ACOX1: variants seen among roughly 807,000 people sequenced by gnomAD.
The protein encoded by ACOX1 is peroxisomal acyl-coenzyme A oxidase 1.
A neutral mutation model predicts 75.5 loss-of-function variants in ACOX1; 41 were observed. The ratio of observed to expected loss-of-function variants is 0.54; its 90% CI spans 0.42 to 0.70. The LOEUF is 0.70. ACOX1 is among the 30% of genes least tolerant of loss of function. ACOX1 has a pLI of 0.00. For missense variants in ACOX1, 630 were observed against 837.5 expected (o/e 0.75, Z 3.06); for synonymous variants, 303 against 298.8 (o/e 1.01, Z -0.15).
chr17:75,978,876 G>T lies in ACOX1; in HGVS notation c.109+89C>A. The T allele has an allele frequency of 1.9e-6, 3 of 1,600,582 alleles. No homozygotes were observed. Among genetic ancestry groups the T allele is most frequent in the Non-Finnish European group, 2.5e-6 (3 of 1,177,854 alleles). ...GGCTCCCCTAACGCTGGGCCAGAGGGCCTAGGCCCCACAGCGCCCCTGACT... is the reference window on the plus strand; with the variant it reads ...GGCTCCCCTAACGCTGGGCCAGAGGTCCTAGGCCCCACAGCGCCCCTGACT... On this transcript the variant is annotated intron_variant, in intron 1 of 13. Transcript: ENST00000293217. The surrounding 1 kb of genome is among the most constrained non-coding windows in gnomAD (Gnocchi z 4.2).
At chr17:75,968,679 T>C (rs56209919) in intron 2 of ACOX1, among the ~76,000 whole-genome samples, 4,500 of 150,104 alleles carry the variant, frequency 0.03, 74 homozygotes, top group Middle Eastern at 0.053. Context: ...TCCCAGCACT[T>C]TGGGAGGCTG....
chr17:75,952,691 A>T (rs1036593088), intron 7 of ACOX1, among the ~76,000 whole-genome samples: 1 of 151,768 alleles, frequency 6.6e-6, no homozygotes, highest in African/African-American at 2.4e-5. Flanking sequence ...TTAGCTGGGC[A>T]TGGTGGCGTG....
chr17:75,978,474 T>C lies in ACOX1; in HGVS notation c.269+60A>G. The stretch of plus-strand genomic sequence containing the variant: ...CAAGCACGGTGATGAAAGGCCACCA[T>C]AGACCGCAGCTGTAAAGTTTAGGCT... On this transcript the variant is annotated intron_variant, in intron 2 of 13. Coordinates refer to ENST00000293217, the MANE Select transcript of ACOX1 (RefSeq NM_004035.7). This position sits in a 1 kb window ranked among gnomAD's most constrained non-coding sequence, Gnocchi z 4.2. 3 of 1,603,010 alleles carry C rather than the reference T, an allele frequency of 1.9e-6. No homozygotes were observed. The highest frequency in any genetic ancestry group is 1.7e-4 in the Middle Eastern group (1 of 6,034).
chr17:75,978,652 A>T lies in ACOX1; in HGVS notation c.151T>A (p.Leu51Met), dbSNP rs1371790286. 1 of 1,614,086 alleles carries T rather than the reference A, an allele frequency of 6.2e-7. No individual in the cohort carries two copies. The highest frequency in any genetic ancestry group is 8.5e-7 in the Non-Finnish European group (1 of 1,180,052). Residue 51 changes from leucine (L) to methionine (M), a missense_variant, in exon 2 of 14, where the codon TTG becomes ATG. Leu to Met is a conservative substitution (Grantham distance 15, BLOSUM62 2). This residue lies in a region of ACOX1 where 390 missense variants were observed against 574.9 expected (regional missense o/e 0.68). Transcript: ENST00000293217. This position sits in a 1 kb window ranked among gnomAD's most constrained non-coding sequence, Gnocchi z 4.2. ...LNDPDFQHED[L>M]NFLTRSQRYE... ...CGCTGGCTGCGAGTGAGGAAGTTCA[A>T]GTCCTCATGCTGGAAGTCTGGGTCG...
Position 75,960,823 on chromosome 17 carries a change from C to T in ACOX1, c.270-448G>A, listed in dbSNP as rs1472906010. 6.6e-6 allele frequency among the ~76,000 whole-genome samples: 1 copy of T among 151,714 alleles called. No individual in the cohort carries two copies. The highest frequency in any genetic ancestry group is 2.4e-5 in the African/African-American group (1 of 41,264). ...CAAAGCCCTGACTCTACTAAAAATA[C>T]AAAAATCAGCTGAACGTGGTGGCGC... On this transcript the variant is annotated intron_variant, in intron 2 of 13. Transcript: ENST00000293217. This position sits in a 1 kb window ranked among gnomAD's most constrained non-coding sequence, Gnocchi z 4.4.
chr17:75,968,306 G>A (rs1265294895), intron 2 of ACOX1, among the ~76,000 whole-genome samples: 1 of 146,958 alleles, frequency 6.8e-6, no homozygotes, highest in Non-Finnish European at 1.5e-5. Context: ...CGTAGTGGCG[G>A]GCGCCTGTAG....
intron 3 of ACOX1, among the ~76,000 whole-genome samples, chr17:75,959,534 C>T (rs79304471): frequency 6.6e-6 from 1 of 152,082 alleles, no homozygotes; most frequent in African/African-American, 2.4e-5. Context: ...CAAACACGGA[C>T]CCAATTCAGA....
At chr17:75,973,776 C>G (rs781763502) in intron 2 of ACOX1, 2 of 1,614,070 alleles carry the variant, frequency 1.2e-6, no homozygotes, top group South Asian at 2.2e-5. Flanking sequence ...CAAAATTGAC[C>G]AAATGTAGTC....
chr17:75,976,991 C>CTTTTTT (rs1019883355), intron 2 of ACOX1, among the ~76,000 whole-genome samples: 22 of 78,876 alleles, frequency 2.8e-4, no homozygotes, highest in Admixed American at 3.3e-4. Context: ...GCAAAAAAGT[C>CTTTTTT]TTTTTTTTTT....
intron 4 of ACOX1, among the ~76,000 whole-genome samples, chr17:75,956,943 C>A (rs2065831819): frequency 6.0e-5 from 2 of 33,430 alleles, no homozygotes; most frequent in African/African-American, 1.8e-4. Flanking sequence ...CTCTCTCTCT[C>A]TCTCTCTCTC....
chr17:75,963,860 TC>T (rs2065907323), intron 2 of ACOX1, among the ~76,000 whole-genome samples: 1 of 150,552 alleles, frequency 6.6e-6, no homozygotes, highest in Non-Finnish European at 1.5e-5. Context: ...TTTTGTAACT[TC>T]CTATGACTCT....
chr17:75,946,875 T>G, intron 13 of ACOX1, 80 bp from the exon 14 acceptor site: 1 of 1,409,358 alleles, frequency 7.1e-7, no homozygotes, highest in Non-Finnish European at 9.9e-7. Flanking sequence ...TTTTTGTTTT[T>G]GTTTTTTTTT....
In ACOX1 at chr17:75,946,465, A is replaced by C. The variant is rs1243926988; in HGVS notation, c.*283T>G. The C allele has an allele frequency of 4.8e-6, 2 of 419,080 alleles. No individual in the cohort carries two copies. The highest frequency in any genetic ancestry group is 9.0e-6 in the Non-Finnish European group (2 of 223,314). 26.0% of individuals were successfully genotyped at this position (419,080 alleles called of 1,614,324 possible). ...TAGTTAAATTCTGCTAATTATCAAA[A>C]GTCATAGTCTACTGGGATCAGCAGC... is the stretch of plus-strand genomic sequence containing the variant. On this transcript the variant is annotated 3_prime_UTR_variant, in exon 14 of 14. Transcript: ENST00000293217.
chr17:75,978,944 G>T lies in ACOX1; in HGVS notation c.109+21C>A. 6.2e-7 allele frequency: 1 copy of T among 1,608,216 alleles called. No individual in the cohort carries two copies. Among genetic ancestry groups the T allele is most frequent in the Non-Finnish European group, 8.5e-7 (1 of 1,179,844 alleles). ...CCAGCTTTTCTCGGGAAAGGAGGGA[G>T]GTCTCGCCCGCCGCCCTCACCGATC... On this transcript the variant is annotated intron_variant, in intron 1 of 13. Coordinates refer to ENST00000293217, the MANE Select transcript of ACOX1 (RefSeq NM_004035.7). The surrounding 1 kb of genome is among the most constrained non-coding windows in gnomAD (Gnocchi z 4.2).
chr17:75,969,177 A>G (rs962212988), intron 2 of ACOX1, among the ~76,000 whole-genome samples: 52 of 152,108 alleles, frequency 3.4e-4, no homozygotes, highest in African/African-American at 1.2e-3. Flanking sequence ...TTATTTATTT[A>G]TTTTTTGAGA....
chr17:75,960,241 G>A lies in ACOX1; in HGVS notation c.404C>T (p.Thr135Ile). 1 of 1,614,166 alleles carries A rather than the reference G, an allele frequency of 6.2e-7. No homozygotes were observed. Among genetic ancestry groups the A allele is most frequent in the Non-Finnish European group, 8.5e-7 (1 of 1,180,006 alleles). Reference sequence around the variant, plus strand: ...ATGACCCATCTCTGTCTGGGCATAAGTGCCAATGATCTCCAAGTTCCAGGC... The same window carrying A: ...ATGACCCATCTCTGTCTGGGCATAAATGCCAATGATCTCCAAGTTCCAGGC... ...MPAWNLEIIG[T>I]YAQTEMGHGT... is the part of the protein sequence containing the mutation. The change falls in exon 3 of 14, where the codon ACT becomes ATT. Residue 135 changes from threonine to isoleucine, a missense_variant. Around this residue, in one of 2 missense-constraint regions of ACOX1, gnomAD observed 390 missense variants for 574.9 expected, o/e 0.68. Transcript: ENST00000293217. The surrounding 1 kb of genome is among the most constrained non-coding windows in gnomAD (Gnocchi z 4.4).
intron 2 of ACOX1, among the ~76,000 whole-genome samples, chr17:75,962,346 T>C (rs528028995): frequency 1.3e-5 from 2 of 152,352 alleles, no homozygotes; most frequent in South Asian, 2.1e-4. Context: ...GTCATTCTTT[T>C]CCACTTAAAA....
chr17:75,955,470 C>CT (rs2065815433), intron 6 of ACOX1, 96 bp downstream of exon 6: 1 of 1,041,858 alleles, frequency 9.6e-7, no homozygotes, highest in African/African-American at 1.6e-5. Flanking sequence ...GCTGTTATTA[C>CT]CTTCTAAAAG....
Position 75,978,813 on chromosome 17 carries a change from C to G in ACOX1, c.110-120G>C, listed in dbSNP as rs753256489. 3 of 1,602,442 alleles carry G rather than the reference C, an allele frequency of 1.9e-6. No individual in the cohort carries two copies. The highest frequency in any genetic ancestry group is 1.1e-5 in the South Asian group (1 of 90,502). ...CACCTGGGGAATGGCGATATCCCCC[C>G]ACCAGGGACACAGGCTGTTCCTCGA... On this transcript the variant is annotated intron_variant, in intron 1 of 13. Coordinates refer to ENST00000293217, the MANE Select transcript of ACOX1 (RefSeq NM_004035.7). The surrounding 1 kb of genome is among the most constrained non-coding windows in gnomAD (Gnocchi z 4.2).
Sources: allele counts gnomAD v4.1 joint callset (sites outside exome capture counted in the v4.1 genomes callset), GRCh38; gene constraint gnomAD v4.1.1; regional missense constraint gnomAD v4.1.1; non-coding constraint Gnocchi (gnomAD v3.1); transcripts MANE v1.5; gene names NCBI Gene and HGNC (gene_info 2026-07-23, HGNC 2026-07-21).